IL17RD: variants seen among roughly 807,000 people sequenced by gnomAD.
The protein encoded by IL17RD is interleukin-17 receptor D.
Under a neutral mutation model 80.5 loss-of-function variants are expected in IL17RD, and 52 were observed. The observed-to-expected ratio is 0.65, with a 90% CI of 0.52 to 0.81. The LOEUF (loss-of-function observed/expected upper bound fraction) is 0.81. IL17RD is among the 40% of genes least tolerant of loss of function. The probability of loss-of-function intolerance (pLI) is 0.00; values close to 1 mark genes in which losing one functional copy is unlikely to be tolerated. For missense variants in IL17RD, 1,024 were observed against 955.1 expected (o/e 1.07, Z -0.95); for synonymous variants, 416 against 391.8 (o/e 1.06, Z -0.73).
intron 9 of IL17RD, 106 bp from the exon 10 acceptor site, chr3:57,102,695 C>T: frequency 2.0e-6 from 1 of 511,448 alleles, no homozygotes. Context: ...GGTTCTAGGA[C>T]CATGCAACCA....
chr3:57,163,305 G>T (rs1301400065), intron 1 of IL17RD, among the ~76,000 whole-genome samples: 7 of 152,200 alleles, frequency 4.6e-5, no homozygotes. Flanking sequence ...AGGGGCTGTG[G>T]TGGAGAAAAC....
chr3:57,112,097 C>T (rs911669545), intron 3 of IL17RD, among the ~76,000 whole-genome samples: 3 of 152,300 alleles, frequency 2.0e-5, no homozygotes, highest in African/African-American at 2.4e-5. Flanking sequence ...AGGCAGCAAA[C>T]GTAATTCCTT....
At chr3:57,148,209 C>T (rs2107533344) in intron 1 of IL17RD, among the ~76,000 whole-genome samples, 1 of 150,846 alleles carries the variant, frequency 6.6e-6, no homozygotes, top group Middle Eastern at 3.5e-3. Context: ...CCTGTAATCT[C>T]AGCTACTCAG....
chr3:57,147,689 C>T (rs1707960545), intron 1 of IL17RD, among the ~76,000 whole-genome samples: 2 of 152,166 alleles, frequency 1.3e-5, no homozygotes, highest in South Asian at 4.1e-4. Context: ...GGGAGGGGAG[C>T]TTACTACATG....
chr3:57,137,564 C>T (rs1707753053), intron 1 of IL17RD, among the ~76,000 whole-genome samples: 1 of 152,166 alleles, frequency 6.6e-6, no homozygotes, highest in African/African-American at 2.4e-5. Context: ...GCCTGGAGAG[C>T]AGAAGTGACA....
intron 8 of IL17RD, among the ~76,000 whole-genome samples, chr3:57,103,921 A>G (rs1396760381): frequency 2.0e-5 from 3 of 152,140 alleles, no homozygotes; most frequent in Admixed American, 6.5e-5. Flanking sequence ...TTACATTTAC[A>G]TGTTCTTTGA....
intron 7 of IL17RD, among the ~76,000 whole-genome samples, chr3:57,105,284 T>C (rs1706928213): frequency 6.6e-6 from 1 of 151,922 alleles, no homozygotes; most frequent in African/African-American, 2.4e-5. Flanking sequence ...AGGCCTGTAA[T>C]CCCAGCACTT....
Position 57,165,312 on chromosome 3 carries a change from G to C in IL17RD, c.-26C>G. The C allele has an allele frequency of 7.3e-7, 1 of 1,366,194 alleles. No homozygotes were observed. Among genetic ancestry groups the C allele is most frequent in the Non-Finnish European group, 9.5e-7 (1 of 1,054,482 alleles). 84.6% of individuals were successfully genotyped at this position (1,366,194 alleles called of 1,614,324 possible). A position where few individuals can be genotyped will look rare whatever the true frequency, so the allele number is the denominator to read the frequency against. On this transcript the variant is annotated 5_prime_UTR_variant, in exon 1 of 13. Transcript: ENST00000296318. ...GGCCGTGCGCTCGCCCAGCCAGGCC[G>C]TTCTCTGCGCCCCGGCCGCCCGCCG...
chr3:57,096,677 A>T (rs1444949191), intron 12 of IL17RD, among the ~76,000 whole-genome samples, 172 bp from the exon 13 acceptor site: 3 of 152,188 alleles, frequency 2.0e-5, no homozygotes, highest in Non-Finnish European at 2.9e-5. Flanking sequence ...AACAGGTTCT[A>T]GTTCCCTTAG....
intron 1 of IL17RD, chr3:57,150,576 C>T (rs929415457): frequency 6.6e-6 from 1 of 152,168 alleles, no homozygotes; most frequent in South Asian, 2.1e-4. Flanking sequence ...GTAACATGTT[C>T]AAAGGCTGGG....
chr3:57,162,238 G>C (rs1340239181), intron 1 of IL17RD, among the ~76,000 whole-genome samples: 1 of 152,238 alleles, frequency 6.6e-6, no homozygotes, highest in Admixed American at 6.5e-5. Flanking sequence ...CATTTGCTCA[G>C]CTCTGCTCCA....
intron 1 of IL17RD, among the ~76,000 whole-genome samples, chr3:57,121,409 G>A (rs893154054): frequency 3.9e-5 from 6 of 152,146 alleles, no homozygotes; most frequent in Non-Finnish European, 8.8e-5. Flanking sequence ...CACTGAAAGT[G>A]TATCCCTGAA....
intron 1 of IL17RD, among the ~76,000 whole-genome samples, chr3:57,133,267 T>C (rs1229116414): frequency 6.6e-6 from 1 of 152,250 alleles, no homozygotes; most frequent in Non-Finnish European, 1.5e-5. Flanking sequence ...ATTCAAACAC[T>C]AATGATCCCT....
intron 1 of IL17RD, among the ~76,000 whole-genome samples, chr3:57,144,123 G>A (rs988775197): frequency 6.6e-6 from 1 of 152,180 alleles, no homozygotes; most frequent in Non-Finnish European, 1.5e-5. Flanking sequence ...GGAGGCACTG[G>A]TTTCAACCAC....
chr3:57,161,448 G>A (rs1444649745), intron 1 of IL17RD, among the ~76,000 whole-genome samples: 1 of 152,250 alleles, frequency 6.6e-6, no homozygotes. Flanking sequence ...CTTTTGTGAT[G>A]AAGTATTTGC....
intron 1 of IL17RD, among the ~76,000 whole-genome samples, chr3:57,133,955 G>T (rs900141316): frequency 6.6e-6 from 1 of 152,184 alleles, no homozygotes; most frequent in Non-Finnish European, 1.5e-5. Flanking sequence ...AAGTAATATG[G>T]TGAAATTAAA....
At chr3:57,151,601 G>A (rs1485652985) in intron 1 of IL17RD, among the ~76,000 whole-genome samples, 2 of 152,114 alleles carry the variant, frequency 1.3e-5, no homozygotes, top group Non-Finnish European at 2.9e-5. Context: ...ATACTAAGAT[G>A]GGACCCCTAA....
chr3:57,132,617 T>C (rs896394952), intron 1 of IL17RD, among the ~76,000 whole-genome samples: 1 of 152,234 alleles, frequency 6.6e-6, no homozygotes, highest in African/African-American at 2.4e-5. Flanking sequence ...CTAAACACTT[T>C]GTCCAAGATG....
At position 57,120,382 on chromosome 3, in the gene IL17RD, A is replaced by C. The variant is rs1468846889; in HGVS notation, c.127-69T>G. The C allele has an allele frequency of 8.1e-6, 9 of 1,115,218 alleles. No homozygotes were observed. In the African/African-American group the frequency reaches 9.2e-5, roughly 11 times the overall value. 69.1% of individuals were successfully genotyped at this position (1,115,218 alleles called of 1,614,324 possible). ...GCTCTTCCAACACAAAGCCCCATGG[A>C]GTCCAAATGCAAGCAGCACTGCTGA... On this transcript the variant is annotated intron_variant, in intron 1 of 12. Transcript: ENST00000296318.
Sources: allele counts gnomAD v4.1 joint callset (sites outside exome capture counted in the v4.1 genomes callset), GRCh38; gene constraint gnomAD v4.1.1; transcripts MANE v1.5; gene names NCBI Gene and HGNC (gene_info 2026-07-23, HGNC 2026-07-21).